The following NALCN variants were observed in gnomAD, a reference collection of about 807,000 sequenced individuals.
NALCN encodes the protein sodium leak channel, non-selective.
In NALCN, 111 loss-of-function variants were observed where a neutral mutation model predicts 225.3. That is an observed-to-expected ratio of 0.49 (90% confidence interval 0.42 to 0.58). NALCN has a LOEUF of 0.58. Ranked by LOEUF, NALCN falls within the 20% of genes least tolerant of loss-of-function variation. The probability of loss-of-function intolerance (pLI) is 0.00; values close to 1 mark genes in which losing one functional copy is unlikely to be tolerated. For missense variants in NALCN, 1,378 were observed against 2,202.4 expected (o/e 0.63, Z 7.49); for synonymous variants, 764 against 769.0 (o/e 0.99, Z 0.11).
Position 101,289,159 on chromosome 13 carries a change from C to T in NALCN, c.1047+2831G>A, listed in dbSNP as rs2043453201. Among the ~76,000 whole-genome samples the T allele has an allele frequency of 2.6e-5, 4 of 152,180 alleles. No individual in the cohort carries two copies. In the South Asian group the frequency reaches 8.3e-4, roughly 32 times the overall value. On this transcript the variant is annotated intron_variant, in intron 9 of 43. Coordinates refer to ENST00000251127, the MANE Select transcript of NALCN (RefSeq NM_052867.4). ...TCCTTCAACCCAATCCACAACTGAG[C>T]ACAAGGCAATAGTTACCCACGTCTA...
intron 13 of NALCN, among the ~76,000 whole-genome samples, chr13:101,219,615 A>G (rs2040862367): frequency 6.6e-6 from 1 of 152,174 alleles, no homozygotes; most frequent in Non-Finnish European, 1.5e-5. Flanking sequence ...GTGCCCCAAA[A>G]TGTTAATACC....
In NALCN at chr13:101,064,944, C is replaced by T. The variant is rs149024250; in HGVS notation, c.4604+460G>A. Among the ~76,000 whole-genome samples the T allele has an allele frequency of 3.2e-3, 481 of 152,294 alleles. 4 individuals carry two copies. The highest frequency in any genetic ancestry group is 0.011 in the African/African-American group (455 of 41,560). Reference sequence around the variant, plus strand: ...CTGGAAAATCTGGTGTTTTAGCCAACGGGGCAACCATCACAGAGCAGGCCA... The same window carrying T: ...CTGGAAAATCTGGTGTTTTAGCCAATGGGGCAACCATCACAGAGCAGGCCA... On this transcript the variant is annotated intron_variant, in intron 40 of 43. Coordinates refer to ENST00000251127, the MANE Select transcript of NALCN (RefSeq NM_052867.4).
Position 101,054,334 on chromosome 13 carries a change from C to CATT in NALCN, c.*958_*960dup, listed in dbSNP as rs1448859683. On this transcript the variant is annotated 3_prime_UTR_variant, in exon 44 of 44. Coordinates refer to ENST00000251127, the MANE Select transcript of NALCN (RefSeq NM_052867.4). ...TAGAAGATTCTTTTAACAGAGATGT[C>CATT]ATTTCAAATCTAACGTAGCAATGGT... 6.6e-6 allele frequency: 1 copy of CATT among 152,186 alleles called. No homozygotes were observed. Among genetic ancestry groups the CATT allele is most frequent in the Non-Finnish European group, 1.5e-5 (1 of 68,032 alleles). The allele number at this position is 152,186 out of a possible 1,614,324, so 9.4% of individuals were successfully genotyped here.
chr13:101,395,777 CT>C (rs953591121), intron 2 of NALCN, among the ~76,000 whole-genome samples: 8 of 151,884 alleles, frequency 5.3e-5, no homozygotes, highest in Admixed American at 2.0e-4. Flanking sequence ...TGTGCCATTA[CT>C]TTTTTTTCAT....
intron 6 of NALCN, among the ~76,000 whole-genome samples, chr13:101,374,163 T>C (rs550994059): frequency 2.6e-4 from 39 of 151,654 alleles, no homozygotes; most frequent in African/African-American, 3.6e-4. Context: ...ATAAAAGTTA[T>C]ATTAAAAAAC....
At chr13:101,096,352 A>T (rs2034500142) in intron 27 of NALCN, among the ~76,000 whole-genome samples, 1 of 152,188 alleles carries the variant, frequency 6.6e-6, no homozygotes, top group Non-Finnish European at 1.5e-5. Context: ...AGATAAACAA[A>T]ATGTGGTCCA....
chr13:101,365,092 T>C (rs1323052474), intron 6 of NALCN, among the ~76,000 whole-genome samples: 2 of 152,166 alleles, frequency 1.3e-5, no homozygotes, highest in Non-Finnish European at 2.9e-5. Flanking sequence ...AGGTTTGTTA[T>C]ATAGGTAAAC....
intron 6 of NALCN, among the ~76,000 whole-genome samples, chr13:101,360,246 C>T (rs1217644233): frequency 7.4e-6 from 1 of 134,846 alleles, no homozygotes; most frequent in Non-Finnish European, 1.6e-5. Context: ...TTCCTTCCTT[C>T]CTTCGATGGA....
rs371209060 is a variant in NALCN at position 101,100,835 on chromosome 13, C to A, written c.3111G>T (p.Gln1037His). 3 of 1,612,026 alleles carry A rather than the reference C, an allele frequency of 1.9e-6. No individual in the cohort carries two copies. The highest frequency in any genetic ancestry group is 2.5e-6 in the Non-Finnish European group (3 of 1,178,960). ...ACTTGGCCAGTTTTCCAGCAAAAAG[C>A]TGAACTCCAAAGCTTGCAAAAACGA... is the stretch of plus-strand genomic sequence containing the variant. ...LMLVFASFGV[Q>H]LFAGKLAKCN... Residue 1037 changes from glutamine (Q) to histidine (H), a missense_variant, in exon 27 of 44, where the codon CAG (glutamine) becomes CAT (histidine). Physicochemically the swap from Gln to His is conservative, Grantham distance 24. Transcript: ENST00000251127.
chr13:101,329,186 C>A (rs1445098774), intron 7 of NALCN, among the ~76,000 whole-genome samples: 1 of 152,058 alleles, frequency 6.6e-6, no homozygotes. Flanking sequence ...TCTGTATGCA[C>A]AAATATAGGT....
intron 10 of NALCN, among the ~76,000 whole-genome samples, chr13:101,278,522 CAAAAAAAAAAAAA>C (rs3061766): frequency 1.1e-5 from 1 of 87,474 alleles, no homozygotes. Flanking sequence ...GACTCTGTCT[CAAAAAAAAAAAAA>C]AAAAAAAAAA....
At chr13:101,133,266 A>G (rs915497546) in intron 17 of NALCN, among the ~76,000 whole-genome samples, 7 of 152,236 alleles carry the variant, frequency 4.6e-5, no homozygotes, top group Admixed American at 4.6e-4. Flanking sequence ...ATAAATATTC[A>G]ATAGCTTTTT....
Position 101,258,563 on chromosome 13 carries a change from C to T in NALCN, c.1146G>A (p.Arg382=), listed in dbSNP as rs773010148. The change falls in exon 11 of 44, where the codon CGG becomes CGA. Residue 382 remains arginine, a synonymous_variant. Transcript: ENST00000251127. ...RAPACLQKMM[R]SSVFHMFILS... ...GGATGAACATGTGGAAAACGGATGA[C>T]CGCATCATTTTCTGAGGGGGCGAAA... 9.9e-6 allele frequency: 16 copies of T among 1,614,072 alleles called. 1 individual carries two copies. Among genetic ancestry groups the T allele is most frequent in the Middle Eastern group, 3.3e-4 (2 of 6,084 alleles).
chr13:101,327,223 T>C (rs888277995), intron 7 of NALCN, among the ~76,000 whole-genome samples: 4 of 152,212 alleles, frequency 2.6e-5, no homozygotes, highest in African/African-American at 9.6e-5. Context: ...TTAAAAGTGC[T>C]ATCAATGATA....
chr13:101,103,030 T>C, intron 26 of NALCN, 142 bp downstream of exon 26: 1 of 930,686 alleles, frequency 1.1e-6, no homozygotes, highest in Non-Finnish European at 1.6e-6. Flanking sequence ...AGGTGCATTG[T>C]GTTTTGTTAG....
chr13:101,395,663 G>T (rs1427236119), intron 2 of NALCN, among the ~76,000 whole-genome samples: 1 of 152,090 alleles, frequency 6.6e-6, no homozygotes, highest in Non-Finnish European at 1.5e-5. Context: ...ACCTGATCAG[G>T]CTCTCCCAAA....
Position 101,387,252 on chromosome 13 carries a change from A to AAAAAAAAT in NALCN, c.291+7930_291+7931insATTTTTTT, listed in dbSNP as rs58578868. 9.4e-5 allele frequency among the ~76,000 whole-genome samples: 11 copies of AAAAAAAAT among 116,814 alleles called. 3 individuals carry two copies. The highest frequency in any genetic ancestry group is 3.5e-4 in the African/African-American group (10 of 28,210). The allele number at this position is 116,814 out of a possible 152,430, so 76.6% of individuals were successfully genotyped here. ...CAAAAAAAAAAAAAAAAAAAAAAAA[A>AAAAAAAAT]AACAGGTTAGCATTTCGCAAATCAC... On this transcript the variant is annotated intron_variant, in intron 3 of 43. Coordinates refer to ENST00000251127, the MANE Select transcript of NALCN (RefSeq NM_052867.4).
chr13:101,074,414 C>T (rs2033112133), intron 36 of NALCN, 100 bp downstream of exon 36: 5 of 1,084,056 alleles, frequency 4.6e-6, no homozygotes, highest in Admixed American at 3.0e-5. Flanking sequence ...TCCCTTTCCC[C>T]TCTCCTAGAC....
At chr13:101,386,766 C>G (rs1241009436) in intron 3 of NALCN, among the ~76,000 whole-genome samples, 1 of 152,026 alleles carries the variant, frequency 6.6e-6, no homozygotes, top group Non-Finnish European at 1.5e-5. Flanking sequence ...ACTACTTTAA[C>G]GATTAGGTAT....
Sources: allele counts gnomAD v4.1 joint callset (sites outside exome capture counted in the v4.1 genomes callset), GRCh38; gene constraint gnomAD v4.1.1; transcripts MANE v1.5; gene names NCBI Gene and HGNC (gene_info 2026-07-23, HGNC 2026-07-21).